Variants in UVRAG observed in about 807,000 individuals in gnomAD.
UVRAG encodes UV radiation resistance associated.
A neutral mutation model predicts 78.0 loss-of-function variants in UVRAG; 19 were observed. That is an observed-to-expected ratio of 0.24 (90% confidence interval 0.17 to 0.36). UVRAG has a LOEUF of 0.36. Ranked by LOEUF, UVRAG falls within the 10% of genes least tolerant of loss-of-function variation. UVRAG has a pLI of 1.00. For missense variants in UVRAG, 740 were observed against 853.8 expected (o/e 0.87, Z 1.66); for synonymous variants, 323 against 324.6 (o/e 1.00, Z 0.05).
intron 5 of UVRAG, chr11:75,892,275 G>A (rs1421909342): frequency 2.1e-6 from 2 of 953,804 alleles, no homozygotes; most frequent in Admixed American, 1.2e-4. Context: ...GTCATCTGCT[G>A]GTCCTGGAGA....
chr11:76,062,177 C>T (rs1487799851), intron 12 of UVRAG, among the ~76,000 whole-genome samples: 1 of 152,120 alleles, frequency 6.6e-6, no homozygotes, highest in Non-Finnish European at 1.5e-5. Flanking sequence ...CTCTGTGTTT[C>T]CTTATTACGA....
At chr11:75,937,906 A>G (rs370949607) in intron 6 of UVRAG, among the ~76,000 whole-genome samples, 1 of 152,138 alleles carries the variant, frequency 6.6e-6, no homozygotes, top group Non-Finnish European at 1.5e-5. Context: ...GCTATCACAC[A>G]CTGATGCCTT....
Position 76,004,201 on chromosome 11 carries a change from C to G in UVRAG, c.911+112C>G, listed in dbSNP as rs1207146895. Reference sequence around the variant, plus strand: ...GTATTAATTTATAGCCCATATACCTCAGTACCACATTCGTTTATTCAACAC... The same window carrying G: ...GTATTAATTTATAGCCCATATACCTGAGTACCACATTCGTTTATTCAACAC... On this transcript the variant is annotated intron_variant, in intron 9 of 14. Coordinates refer to ENST00000356136, the MANE Select transcript of UVRAG (RefSeq NM_003369.4). 9 of 978,450 alleles carry G rather than the reference C, an allele frequency of 9.2e-6. No homozygotes were observed. In the East Asian group the frequency reaches 1.6e-4, roughly 17 times the overall value. The allele number at this position is 978,450 out of a possible 1,614,324, so 60.6% of individuals were successfully genotyped here.
chr11:75,917,495 T>A (rs1947882944), intron 6 of UVRAG, among the ~76,000 whole-genome samples: 1 of 152,206 alleles, frequency 6.6e-6, no homozygotes, highest in Non-Finnish European at 1.5e-5. Context: ...TTTCCCTAGG[T>A]ACTCTCTTGT....
intron 13 of UVRAG, among the ~76,000 whole-genome samples, chr11:76,108,769 C>T (rs977841042): frequency 6.6e-6 from 1 of 152,120 alleles, no homozygotes; most frequent in African/African-American, 2.4e-5. Flanking sequence ...CCAGATCTTC[C>T]TGGGTTTTTT....
chr11:76,056,119 T>C (rs1950981069), intron 12 of UVRAG, among the ~76,000 whole-genome samples: 1 of 151,670 alleles, frequency 6.6e-6, no homozygotes, highest in African/African-American at 2.4e-5. Flanking sequence ...GAAACTTCCC[T>C]CTCTCTTTTT....
At chr11:76,121,476 C>T (rs148221641) in intron 14 of UVRAG, among the ~76,000 whole-genome samples, 4 of 152,332 alleles carry the variant, frequency 2.6e-5, no homozygotes, top group African/African-American at 9.6e-5. Context: ...ATCTGAGACT[C>T]AGATTGACAT....
chr11:75,857,239 C>CAG (rs1946310465), intron 2 of UVRAG, among the ~76,000 whole-genome samples: 2 of 152,168 alleles, frequency 1.3e-5, no homozygotes, highest in African/African-American at 4.8e-5. Context: ...ATCTCATTCA[C>CAG]AGAAAAGGCT....
rs115894052 is a variant in UVRAG, at chr11:75,927,399, T to C, written c.593+15360T>C. On this transcript the variant is annotated intron_variant, in intron 6 of 14. Transcript: ENST00000356136. ...TGTAATTTGGAAGTGAAAAAGTATATAGGTTGTTGTTATTCCTGAGAGTAG... is the reference window on the plus strand; with the variant it reads ...TGTAATTTGGAAGTGAAAAAGTATACAGGTTGTTGTTATTCCTGAGAGTAG... 8.1e-3 allele frequency among the ~76,000 whole-genome samples: 1,230 copies of C among 152,232 alleles called. 13 individuals are homozygous for C. Among genetic ancestry groups the C allele is most frequent in the African/African-American group, 0.028 (1,150 of 41,542 alleles).
At position 75,978,661 on chromosome 11, in the gene UVRAG, G is replaced by A. The variant is rs1244570071; in HGVS notation, c.700-4726G>A. Among the ~76,000 whole-genome samples, 7 of 151,974 alleles carry A rather than the reference G, an allele frequency of 4.6e-5. No homozygotes were observed. The South Asian group carries it at 6.2e-4, about 14-fold the overall frequency. ...ACCCTTTCTTCCAGTTGATCGAATCGGCTACTGAAGCTTGTGCATGCATCA... is the reference window on the plus strand; with the variant it reads ...ACCCTTTCTTCCAGTTGATCGAATCAGCTACTGAAGCTTGTGCATGCATCA... On this transcript the variant is annotated intron_variant, in intron 7 of 14. Coordinates refer to ENST00000356136, the MANE Select transcript of UVRAG (RefSeq NM_003369.4).
chr11:75,873,349 T>A (rs1019759417), intron 3 of UVRAG, among the ~76,000 whole-genome samples: 6 of 152,124 alleles, frequency 3.9e-5, no homozygotes, highest in South Asian at 2.1e-4. Flanking sequence ...TTTTTTTTTT[T>A]AATTCTGCAA....
intron 13 of UVRAG, among the ~76,000 whole-genome samples, chr11:76,074,892 T>C (rs1019285222): frequency 3.3e-5 from 5 of 152,112 alleles, no homozygotes; most frequent in Non-Finnish European, 7.4e-5. Context: ...CTATTACTTC[T>C]CTTCCCCTTC....
intron 1 of UVRAG, among the ~76,000 whole-genome samples, chr11:75,828,802 T>TACACAC (rs1945590823): frequency 5.6e-5 from 4 of 71,416 alleles, no homozygotes; most frequent in East Asian, 3.4e-4. Flanking sequence ...TATATATATA[T>TACACAC]ATATTTTTTT....
chr11:75,823,052 C>G (rs137915471), intron 1 of UVRAG, among the ~76,000 whole-genome samples: 1 of 152,238 alleles, frequency 6.6e-6, no homozygotes. Context: ...CGCTGAGGGA[C>G]TAGGCGTTGT....
At chr11:75,931,632 T>G (rs1948243152) in intron 6 of UVRAG, among the ~76,000 whole-genome samples, 2 of 152,338 alleles carry the variant, frequency 1.3e-5, no homozygotes, top group South Asian at 4.1e-4. Flanking sequence ...AATAACCACC[T>G]TTCACACTTT....
At chr11:75,849,605 G>A (rs1946111610) in intron 1 of UVRAG, among the ~76,000 whole-genome samples, 1 of 152,106 alleles carries the variant, frequency 6.6e-6, no homozygotes. Flanking sequence ...CATGACACAA[G>A]GTAAACATTT....
At chr11:75,865,843 G>A (rs1427756775) in intron 3 of UVRAG, among the ~76,000 whole-genome samples, 1 of 152,124 alleles carries the variant, frequency 6.6e-6, no homozygotes, top group East Asian at 1.9e-4. Context: ...TTGAACTCCT[G>A]ATCTCCGGTG....
intron 7 of UVRAG, among the ~76,000 whole-genome samples, chr11:75,966,470 T>C (rs540947694): frequency 6.6e-6 from 1 of 152,224 alleles, no homozygotes; most frequent in Non-Finnish European, 1.5e-5. Flanking sequence ...CTTTTAAATA[T>C]TTTCTAGTTC....
Position 76,012,075 on chromosome 11 carries a change from C to T in UVRAG, c.1060+3208C>T, listed in dbSNP as rs115655887. On this transcript the variant is annotated intron_variant, in intron 11 of 14. Coordinates refer to ENST00000356136, the MANE Select transcript of UVRAG (RefSeq NM_003369.4). ...GTGGCTCATGCCTGTAATCCTAGCA[C>T]TTTGGGGGACTGAGGTGGGAGGATT... 8.8e-3 allele frequency among the ~76,000 whole-genome samples: 1,343 copies of T among 152,062 alleles called. 21 individuals carry two copies. Among genetic ancestry groups the T allele is most frequent in the African/African-American group, 0.031 (1,279 of 41,462 alleles).
Sources: gnomAD v4.1 joint callset for allele counts (sites outside exome capture counted in the v4.1 genomes callset) on GRCh38, gnomAD v4.1.1 for gene constraint, MANE v1.5 for transcripts, NCBI Gene and HGNC (gene_info 2026-07-23, HGNC 2026-07-21) for gene names.